Variants in ALK observed in about 807,000 individuals in gnomAD.
ALK encodes ALK receptor tyrosine kinase, also known as ALK tyrosine kinase receptor.
ALK carries 74 observed loss-of-function variants against 163.1 expected under a neutral mutation model. The ratio of observed to expected loss-of-function variants is 0.45; its 90% CI spans 0.38 to 0.55. The LOEUF (loss-of-function observed/expected upper bound fraction) is 0.55. ALK is among the 20% of genes least tolerant of loss of function. The pLI is 0.00. For synonymous variants in ALK, 960 were observed against 843.2 expected, an observed-to-expected ratio of 1.14 and a Z score of -2.40; for missense variants, 2,063 against 2,105.3, an observed-to-expected ratio of 0.98 and a Z score of 0.39.
chr2:29,616,600 C>T (rs555971375), intron 3 of ALK, among the ~76,000 whole-genome samples: 10 of 152,288 alleles, frequency 6.6e-5, no homozygotes, highest in Admixed American at 5.9e-4. Flanking sequence ...GTGAGCATGG[C>T]AACCTCTGAA....
intron 5 of ALK, among the ~76,000 whole-genome samples, chr2:29,379,697 G>A (rs555503082): frequency 3.3e-5 from 5 of 152,244 alleles, no homozygotes; most frequent in East Asian, 1.9e-4. Context: ...ACATGAAAGC[G>A]CCACAAAAGA....
chr2:29,491,650 A>T (rs996893888), intron 4 of ALK, among the ~76,000 whole-genome samples: 3 of 152,240 alleles, frequency 2.0e-5, no homozygotes, highest in Non-Finnish European at 2.9e-5. Flanking sequence ...AAGGAACGCC[A>T]GTCCCTCTGG....
chr2:29,396,836 G>GTTTTTTTT (rs10654058), intron 4 of ALK, among the ~76,000 whole-genome samples: 2,437 of 46,556 alleles, frequency 0.052, 613 homozygotes, highest in Middle Eastern at 0.083. Flanking sequence ...TGTTACTATG[G>GTTTTTTTT]TTTTTTTTTT....
intron 5 of ALK, among the ~76,000 whole-genome samples, chr2:29,357,729 T>C (rs1668286619): frequency 6.6e-6 from 1 of 152,194 alleles, no homozygotes; most frequent in Non-Finnish European, 1.5e-5. Context: ...TTCATGTCAA[T>C]GCTCCCCCTG....
intron 3 of ALK, among the ~76,000 whole-genome samples, chr2:29,579,298 T>C (rs1216213620): frequency 6.6e-6 from 1 of 152,230 alleles, no homozygotes; most frequent in Non-Finnish European, 1.5e-5. Flanking sequence ...AGGCTCTTTC[T>C]GATCTTTAAA....
At chr2:29,909,076 T>A (rs924516747) in intron 1 of ALK, among the ~76,000 whole-genome samples, 1 of 152,226 alleles carries the variant, frequency 6.6e-6, no homozygotes, top group Admixed American at 6.5e-5. Context: ...ATCTATATGG[T>A]ATCTCAGGAG....
chr2:29,601,560 G>GTGGA (rs1161814666), intron 3 of ALK, among the ~76,000 whole-genome samples: 2 of 152,102 alleles, frequency 1.3e-5, no homozygotes, highest in Admixed American at 6.5e-5. Flanking sequence ...AAGAGTACCA[G>GTGGA]TGGATTTTTT....
At chr2:29,901,236 T>C (rs1355697823) in intron 1 of ALK, among the ~76,000 whole-genome samples, 1 of 152,168 alleles carries the variant, frequency 6.6e-6, no homozygotes, top group Non-Finnish European at 1.5e-5. Context: ...TAGATGAGAA[T>C]GTCTGTAAAG....
In ALK at chr2:29,737,157, A is replaced by G. The variant is rs1239042745; in HGVS notation, c.668-19460T>C. 3.3e-5 allele frequency among the ~76,000 whole-genome samples: 5 copies of G among 152,172 alleles called. 1 individual carries two copies. Among genetic ancestry groups the G allele is most frequent in the African/African-American group, 1.2e-4 (5 of 41,378 alleles). On this transcript the variant is annotated intron_variant, in intron 1 of 28. Coordinates refer to ENST00000389048, the MANE Select transcript of ALK (RefSeq NM_004304.5). ...ATTTTAAAAGGCAGGTCATAAAACA[A>G]TATAAACAATGTGATCTAATGTTGT...
At chr2:29,454,769 C>T (rs772704099) in intron 4 of ALK, among the ~76,000 whole-genome samples, 7 of 152,064 alleles carry the variant, frequency 4.6e-5, no homozygotes, top group Non-Finnish European at 1.0e-4. Context: ...CAGAGAGTTC[C>T]TATAAACCCA....
Position 29,484,511 on chromosome 2 carries a change from C to T in ALK, c.1154+47404G>A, listed in dbSNP as rs1358929753. On this transcript the variant is annotated intron_variant, in intron 4 of 28. Transcript: ENST00000389048. ...TTAAGTATAGACTGAACACCACTTC[C>T]AGTTTTGTTTTTTTCTAGTGTTTCA... Among the ~76,000 whole-genome samples, 3 of 152,122 alleles carry T rather than the reference C, an allele frequency of 2.0e-5. No homozygotes were observed. The East Asian group carries it at 5.8e-4, about 29-fold the overall frequency.
chr2:29,497,357 C>A (rs1474292777), intron 4 of ALK, among the ~76,000 whole-genome samples: 1 of 152,152 alleles, frequency 6.6e-6, no homozygotes, highest in African/African-American at 2.4e-5. Flanking sequence ...GGTCTGCGTA[C>A]CACTCCCTTG....
At chr2:29,634,463 G>A (rs1676466908) in intron 3 of ALK, among the ~76,000 whole-genome samples, 1 of 152,036 alleles carries the variant, frequency 6.6e-6, no homozygotes, top group South Asian at 2.1e-4. Flanking sequence ...ATGCAAGGCT[G>A]GTTCAATATT....
At chr2:29,784,762 A>G (rs1177042760) in intron 1 of ALK, among the ~76,000 whole-genome samples, 2 of 152,066 alleles carry the variant, frequency 1.3e-5, no homozygotes, top group Non-Finnish European at 2.9e-5. Context: ...TCAGACTGCT[A>G]ATTATTTGAA....
At chr2:29,327,450 G>A (rs1241435942) in intron 6 of ALK, among the ~76,000 whole-genome samples, 1 of 152,120 alleles carries the variant, frequency 6.6e-6, no homozygotes, top group Non-Finnish European at 1.5e-5. Flanking sequence ...CAGATAATAT[G>A]ACGTGTTGGC....
At chr2:29,870,892 AGT>A (rs1666560269) in intron 1 of ALK, among the ~76,000 whole-genome samples, 3 of 152,210 alleles carry the variant, frequency 2.0e-5, no homozygotes, top group Non-Finnish European at 2.9e-5. Context: ...GGAACAATTA[AGT>A]GTTTTAGGTC....
chr2:29,687,526 C>T (rs1170561015), intron 3 of ALK, among the ~76,000 whole-genome samples: 1 of 151,146 alleles, frequency 6.6e-6, no homozygotes, highest in Non-Finnish European at 1.5e-5. Context: ...TTTTTTATTC[C>T]TTTGTATTAA....
intron 4 of ALK, among the ~76,000 whole-genome samples, chr2:29,431,366 G>T (rs1280397986): frequency 2.1e-4 from 32 of 152,174 alleles, no homozygotes. Context: ...AGGCTAATGG[G>T]TTAAGGAGGA....
At chr2:29,326,064 G>A (rs1473333556) in intron 6 of ALK, among the ~76,000 whole-genome samples, 1 of 152,184 alleles carries the variant, frequency 6.6e-6, no homozygotes, top group Non-Finnish European at 1.5e-5. Flanking sequence ...ACTGCTTTCT[G>A]TAGCCAAGAA....
Sources: gnomAD v4.1 joint callset for allele counts (sites outside exome capture counted in the v4.1 genomes callset) on GRCh38, gnomAD v4.1.1 for gene constraint, MANE v1.5 for transcripts, NCBI Gene and HGNC (gene_info 2026-07-23, HGNC 2026-07-21) for gene names.